The following STAU2 variants were observed in gnomAD, a reference collection of about 807,000 sequenced individuals.
STAU2 encodes the protein staufen double-stranded RNA binding protein 2.
STAU2 carries 20 observed loss-of-function variants against 65.9 expected under a neutral mutation model. The ratio of observed to expected loss-of-function variants is 0.30; its 90% CI spans 0.21 to 0.44. The LOEUF (loss-of-function observed/expected upper bound fraction) is 0.44. STAU2 is among the 20% of genes least tolerant of loss of function. STAU2 has a pLI of 1.00. For missense variants in STAU2, 558 were observed against 683.9 expected (o/e 0.82, Z 2.05); for synonymous variants, 232 against 233.9 (o/e 0.99, Z 0.07).
intron 3 of STAU2, among the ~76,000 whole-genome samples, chr8:73,729,370 C>T (rs1805883341): frequency 6.6e-6 from 1 of 152,114 alleles, no homozygotes; most frequent in Non-Finnish European, 1.5e-5. Context: ...GTAATTTTCG[C>T]ATTACGTCTT....
At chr8:73,522,738 C>G (rs79889243) in intron 13 of STAU2, among the ~76,000 whole-genome samples, 2,508 of 152,264 alleles carry the variant, frequency 0.016, 46 homozygotes, top group Non-Finnish European at 0.027. Context: ...TCAAAACATT[C>G]TCTCCAAGAC....
intron 3 of STAU2, among the ~76,000 whole-genome samples, chr8:73,734,542 TC>T (rs1299647865): frequency 1.3e-5 from 2 of 152,164 alleles, no homozygotes; most frequent in Admixed American, 1.3e-4. Context: ...ACGCCTGTAA[TC>T]CCAGCACTTT....
intron 6 of STAU2, among the ~76,000 whole-genome samples, chr8:73,662,016 G>A (rs1816867017): frequency 6.6e-6 from 1 of 152,126 alleles, no homozygotes; most frequent in Non-Finnish European, 1.5e-5. Context: ...CATAAACTCT[G>A]ACAAGGTGCC....
intron 9 of STAU2, among the ~76,000 whole-genome samples, chr8:73,608,203 T>C (rs2129775579): frequency 6.6e-6 from 1 of 152,282 alleles, no homozygotes; most frequent in Non-Finnish European, 1.5e-5. Flanking sequence ...GTGTCAAGAG[T>C]ACTTGTAGCC....
At chr8:73,502,925 T>G (rs1821845700) in intron 13 of STAU2, among the ~76,000 whole-genome samples, 1 of 152,146 alleles carries the variant, frequency 6.6e-6, no homozygotes, top group Non-Finnish European at 1.5e-5. Flanking sequence ...TTTTATGTTA[T>G]CATAATTTTG....
chr8:73,431,154 A>G (rs1026426556), intron 13 of STAU2, among the ~76,000 whole-genome samples: 16 of 152,244 alleles, frequency 1.1e-4, no homozygotes, highest in African/African-American at 3.6e-4. Context: ...AGAGAATTTC[A>G]AAGATACACT....
chr8:73,621,917 C>T (rs1452591763), intron 6 of STAU2, among the ~76,000 whole-genome samples: 2 of 151,184 alleles, frequency 1.3e-5, no homozygotes, highest in Non-Finnish European at 2.9e-5. Flanking sequence ...AGACCACACA[C>T]AATGCTTACT....
chr8:73,632,378 G>T (rs923179805), intron 6 of STAU2, among the ~76,000 whole-genome samples: 2 of 152,046 alleles, frequency 1.3e-5, no homozygotes, highest in Non-Finnish European at 2.9e-5. Flanking sequence ...TGTATATAAG[G>T]TTCCTTAAGT....
At chr8:73,582,689 G>T in intron 12 of STAU2, 81 bp downstream of exon 12, 1 of 1,378,840 alleles carries the variant, frequency 7.3e-7, no homozygotes, top group Non-Finnish European at 1.0e-6. Flanking sequence ...GACCCAGACA[G>T]ACCCAACCAA....
intron 13 of STAU2, among the ~76,000 whole-genome samples, chr8:73,545,568 G>A (rs1273621218): frequency 6.7e-6 from 1 of 150,152 alleles, no homozygotes; most frequent in African/African-American, 2.5e-5. Flanking sequence ...TCCCAAATGT[G>A]TTTACATATA....
chr8:73,607,496 G>A (rs903209804), intron 9 of STAU2, among the ~76,000 whole-genome samples: 4 of 151,956 alleles, frequency 2.6e-5, no homozygotes, highest in Non-Finnish European at 4.4e-5. Flanking sequence ...TTGGGAGGCC[G>A]AGGCGGGCAG....
At chr8:73,433,587 G>A (rs1389692628) in intron 13 of STAU2, among the ~76,000 whole-genome samples, 3 of 149,160 alleles carry the variant, frequency 2.0e-5, no homozygotes, top group Admixed American at 6.7e-5. Flanking sequence ...TGCAATCTAC[G>A]CTTCCCGGGT....
At chr8:73,741,006 G>GAAA (rs770291962) in intron 1 of STAU2, among the ~76,000 whole-genome samples, 1 of 62,760 alleles carries the variant, frequency 1.6e-5, no homozygotes, top group Non-Finnish European at 3.2e-5. Flanking sequence ...CTTCATCTCA[G>GAAA]AAAAAAAAAA....
chr8:73,725,149 T>C (rs1293057202), intron 3 of STAU2, among the ~76,000 whole-genome samples: 2 of 152,236 alleles, frequency 1.3e-5, no homozygotes, highest in East Asian at 3.8e-4. Context: ...TTAAGTCATT[T>C]ACATTTAGTA....
chr8:73,500,820 T>C lies in STAU2; in HGVS notation c.1530+51192A>G, dbSNP rs77707378. Among the ~76,000 whole-genome samples, 835 of 152,010 alleles carry C rather than the reference T, an allele frequency of 5.5e-3. 10 individuals carry two copies. The highest frequency in any genetic ancestry group is 0.018 in the African/African-American group (763 of 41,518). The stretch of plus-strand genomic sequence containing the variant: ...TTAAAGTGATTACACAAATAATAAG[T>C]AATGATATTTTTCCCTTAAAATATA... On this transcript the variant is annotated intron_variant, in intron 13 of 14. Coordinates refer to ENST00000524300, the MANE Select transcript of STAU2 (RefSeq NM_001164380.2).
At chr8:73,580,370 A>G (rs1411537626) in intron 12 of STAU2, among the ~76,000 whole-genome samples, 1 of 152,236 alleles carries the variant, frequency 6.6e-6, no homozygotes, top group Non-Finnish European at 1.5e-5. Context: ...AAATTGAATA[A>G]TAAGATGTAA....
At chr8:73,428,997 A>T (rs1817050168) in intron 13 of STAU2, among the ~76,000 whole-genome samples, 1 of 152,194 alleles carries the variant, frequency 6.6e-6, no homozygotes, top group Non-Finnish European at 1.5e-5. Flanking sequence ...GATGCCACGA[A>T]TGGATTTTCA....
chr8:73,540,687 A>C (rs903485035), intron 13 of STAU2, among the ~76,000 whole-genome samples: 1 of 152,206 alleles, frequency 6.6e-6, no homozygotes. Context: ...AGTCTTTTGC[A>C]GATATCAAAG....
intron 1 of STAU2, chr8:73,742,197 A>G: frequency 3.0e-6 from 3 of 985,372 alleles, no homozygotes; most frequent in Non-Finnish European, 3.6e-6. Flanking sequence ...AGACATATCA[A>G]TAAAATGCAG....
Sources: gnomAD v4.1 joint callset for allele counts (sites outside exome capture counted in the v4.1 genomes callset) on GRCh38, gnomAD v4.1.1 for gene constraint, MANE v1.5 for transcripts, NCBI Gene and HGNC (gene_info 2026-07-23, HGNC 2026-07-21) for gene names.